MYO15A: variants seen among roughly 807,000 people sequenced by gnomAD.
MYO15A encodes unconventional myosin-XV.
Under a neutral mutation model 394.6 loss-of-function variants are expected in MYO15A, and 308 were observed. The ratio of observed to expected loss-of-function variants is 0.78; its 90% CI spans 0.71 to 0.86. The LOEUF (loss-of-function observed/expected upper bound fraction) is 0.86. Among genes scored for constraint, MYO15A ranks in the 40% least tolerant of loss-of-function variants. MYO15A has a pLI of 0.00. For missense variants in MYO15A, 4,606 were observed against 4,799.1 expected (o/e 0.96, Z 1.19); for synonymous variants, 1,957 against 2,003.8 (o/e 0.98, Z 0.62).
rs1746685906 is a variant in MYO15A, at chr17:18,148,578, TA to T, written c.6764+11del. The T allele has an allele frequency of 1.3e-6, 2 of 1,551,156 alleles. No individual in the cohort carries two copies. ...ACATTCTGAGGCACAGGTTGGCTCC[TA>T]GGATGCCCTCCCAGCACACTCTTAT... On this transcript the variant is annotated intron_variant, in intron 32 of 65. Coordinates refer to ENST00000647165, the MANE Select transcript of MYO15A (RefSeq NM_016239.4). The surrounding 1 kb of genome is among the most constrained non-coding windows in gnomAD (Gnocchi z 4.8).
rs550968515 is a variant in MYO15A, at chr17:18,172,703, C to T, written c.10350+413C>T. The T allele has an allele frequency of 6.5e-4, 224 of 344,106 alleles. 2 individuals are homozygous for T. Among genetic ancestry groups the T allele is most frequent in the Non-Finnish European group, 8.8e-4 (155 of 176,590 alleles). 21.3% of individuals were successfully genotyped at this position (344,106 alleles called of 1,614,324 possible). A position where few individuals can be genotyped will look rare whatever the true frequency, so the allele number is the denominator to read the frequency against. On this transcript the variant is annotated intron_variant, in intron 64 of 65. Transcript: ENST00000647165. ...TTGCAGACAGCTGTCCTCACTGTGT[C>T]CTCACATGGCCTTTCCTCTGTGTGC...
rs142398984 is a variant in MYO15A at position 18,156,294 on chromosome 17, G to C, written c.8559G>C (p.Gln2853His). ...KVILFSARAH[Q>H]VKTLVDDFIL... ...TCCTCTTCTCAGCCCGAGCGCACCA[G>C]GTCAAGACCCTGGTAGATGACTTCA... is the stretch of plus-strand genomic sequence containing the variant. Residue 2853 changes from glutamine (Q) to histidine (H), a missense_variant, in exon 48 of 66, where the codon CAG becomes CAC. By Grantham distance (24) the Gln-to-His change is conservative. This residue lies in a region of MYO15A where 2,776 missense variants were observed against 3,109.3 expected (regional missense o/e 0.89). Transcript: ENST00000647165. The C allele has an allele frequency of 1.2e-5, 20 of 1,614,166 alleles. No homozygotes were observed. The African/African-American group carries it at 2.7e-4, about 22-fold the overall frequency.
intron 1 of MYO15A, chr17:18,109,463 A>G (rs1009805503): frequency 1.3e-5 from 2 of 158,894 alleles, no homozygotes; most frequent in African/African-American, 4.8e-5. Flanking sequence ...ATGGTTGCGC[A>G]GTCTACATTT....
In MYO15A at chr17:18,166,374, C is replaced by T. The variant is rs1471629593; in HGVS notation, c.9801C>T (p.Cys3267=). Residue 3267 remains cysteine (C), a synonymous_variant, in exon 61 of 66, where the codon TGC becomes TGT. Transcript: ENST00000647165. Reference sequence around the variant, plus strand: ...TGCTCTCTGCAGGCCAGCATGTGTGCCCACTCAGTCGCCGTGCTTACATCC... The same window carrying T: ...TGCTCTCTGCAGGCCAGCATGTGTGTCCACTCAGTCGCCGTGCTTACATCC... ...FVVTNRGQHV[C]PLSRRAYILD... is the part of the protein sequence containing the mutation. 1 of 1,613,212 alleles carries T rather than the reference C, an allele frequency of 6.2e-7. No homozygotes were observed. Among genetic ancestry groups the T allele is most frequent in the Admixed American group, 1.7e-5 (1 of 60,024 alleles).
chr17:18,174,187 C>G (rs138728511), intron 65 of MYO15A, among the ~76,000 whole-genome samples: 1 of 152,294 alleles, frequency 6.6e-6, no homozygotes, highest in African/African-American at 2.4e-5. Context: ...GAAAGTTCAC[C>G]TGGGCTGAGA....
rs749824559 is a variant in MYO15A, at chr17:18,143,914, C to T, written c.6091C>T (p.Pro2031Ser). The T allele has an allele frequency of 1.2e-6, 2 of 1,603,022 alleles. No individual in the cohort carries two copies. The highest frequency in any genetic ancestry group is 1.7e-6 in the Non-Finnish European group (2 of 1,174,428). Residue 2031 changes from proline to serine, a missense_variant, in exon 28 of 66, where the codon CCT becomes TCT. Coordinates refer to ENST00000647165, the MANE Select transcript of MYO15A (RefSeq NM_016239.4). ...QVPQVAPVRT[P>S]RLQAEPRVTL... ...GCCTCAGGTGGCCCCTGTGAGGACT[C>T]CTCGACTCCAGGCTGAGCCCCGTGT...
chr17:18,159,179 A>G, intron 53 of MYO15A, 96 bp from the exon 54 acceptor site: 1 of 1,482,706 alleles, frequency 6.7e-7, no homozygotes, highest in South Asian at 1.2e-5. Flanking sequence ...TGTGACGTGG[A>G]CCCTCCTGTT....
rs727503308 is a variant in MYO15A at position 18,131,224 on chromosome 17, C to T, written c.4039-15C>T. The T allele has an allele frequency of 6.2e-7, 1 of 1,611,248 alleles. No individual in the cohort carries two copies. Among genetic ancestry groups the T allele is most frequent in the Non-Finnish European group, 8.5e-7 (1 of 1,177,560 alleles). On this transcript the variant is annotated splice_polypyrimidine_tract_variant and intron_variant, in intron 8 of 65. Coordinates refer to ENST00000647165, the MANE Select transcript of MYO15A (RefSeq NM_016239.4). ...GCCTAGCCCCTCAATTCCCACATCT[C>T]CTTCTGGAGTCCAGATCCTGGAGGC... is the stretch of plus-strand genomic sequence containing the variant.
At chr17:18,126,611 C>G (rs1309100155) in intron 5 of MYO15A, among the ~76,000 whole-genome samples, 155 bp downstream of exon 5, 1 of 151,868 alleles carries the variant, frequency 6.6e-6, no homozygotes, top group East Asian at 1.9e-4. Flanking sequence ...CAGGCAGGGC[C>G]GAAGCTACAG....
chr17:18,118,172 G>C (rs1018534896), intron 1 of MYO15A, among the ~76,000 whole-genome samples: 1 of 152,100 alleles, frequency 6.6e-6, no homozygotes, highest in African/African-American at 2.4e-5. Context: ...CAGCTCCTGA[G>C]AGCCAGCCAG....
intron 29 of MYO15A, 102 bp from the exon 30 acceptor site, chr17:18,145,770 A>G (rs2046466566): frequency 3.2e-6 from 3 of 948,800 alleles, no homozygotes; most frequent in Middle Eastern, 4.2e-4. Context: ...TTATATGGGC[A>G]GGGGCACACA....
chr17:18,154,787 G>C (rs1487209532), intron 45 of MYO15A, 32 bp downstream of exon 45: 1 of 1,607,366 alleles, frequency 6.2e-7, no homozygotes, highest in Admixed American at 1.7e-5. Context: ...GTACTGATGG[G>C]GCAACCAGTC....
At chr17:18,115,005 A>G (rs373965558) in intron 1 of MYO15A, among the ~76,000 whole-genome samples, 17 of 152,236 alleles carry the variant, frequency 1.1e-4, no homozygotes, top group African/African-American at 3.6e-4. Flanking sequence ...CAGTGCCCAA[A>G]GCTGGATCCT....
intron 65 of MYO15A, among the ~76,000 whole-genome samples, chr17:18,174,156 G>GC (rs565503702): frequency 7.7e-4 from 118 of 152,320 alleles, no homozygotes; most frequent in Admixed American, 1.9e-3. Flanking sequence ...TGATGAGAGG[G>GC]CAAGGACACT....
At chr17:18,135,393 G>C (rs1382542243) in intron 12 of MYO15A, among the ~76,000 whole-genome samples, 1 of 152,080 alleles carries the variant, frequency 6.6e-6, no homozygotes, top group Non-Finnish European at 1.5e-5. Context: ...CCAGGCTGGA[G>C]TGCAATGGCA....
At chr17:18,112,967 C>G (rs1157904588) in intron 1 of MYO15A, among the ~76,000 whole-genome samples, 1 of 152,046 alleles carries the variant, frequency 6.6e-6, no homozygotes, top group East Asian at 1.9e-4. Flanking sequence ...CCTGCCTCAG[C>G]CTCCCAAGTA....
At chr17:18,158,399 G>A (rs2046720495) in intron 51 of MYO15A, 124 bp from the exon 52 acceptor site, 1 of 771,966 alleles carries the variant, frequency 1.3e-6, no homozygotes, top group African/African-American at 1.8e-5. Context: ...GGTCCACAGG[G>A]ATGGGTGGGT....
At chr17:18,144,024 G>C (rs1218820818) in intron 28 of MYO15A, 24 bp downstream of exon 28, 1 of 1,612,942 alleles carries the variant, frequency 6.2e-7, no homozygotes, top group African/African-American at 1.3e-5. Context: ...GAAGTCCAAG[G>C]CTCCCTGGCT....
rs777558152 is a variant in MYO15A, at chr17:18,162,586, G to A, written c.9519G>A (p.Gly3173=). The A allele has an allele frequency of 6.2e-7, 1 of 1,613,678 alleles. No individual in the cohort carries two copies. Among genetic ancestry groups the A allele is most frequent in the Non-Finnish European group, 8.5e-7 (1 of 1,179,930 alleles). ...GGCCTGAACTCCCTGCTTCTGCAGG[G>A]ATCGCCAAGGCCTGCGAGCAGAACC... ...VSRTPGLPFQ[G]IAKACEQNLQ... The change falls in exon 58 of 66, where the codon GGG becomes GGA. Residue 3173 remains glycine, a splice_region_variant and synonymous_variant. Coordinates refer to ENST00000647165, the MANE Select transcript of MYO15A (RefSeq NM_016239.4).
Sources: gnomAD v4.1 joint callset for allele counts (sites outside exome capture counted in the v4.1 genomes callset) on GRCh38, gnomAD v4.1.1 for gene constraint, gnomAD v4.1.1 regional missense constraint, Gnocchi (gnomAD v3.1) non-coding constraint, MANE v1.5 for transcripts, NCBI Gene and HGNC (gene_info 2026-07-23, HGNC 2026-07-21) for gene names.